The following NFATC1 variants were observed in gnomAD, a reference collection of about 807,000 sequenced individuals.
NFATC1 encodes the protein nuclear factor of activated T-cells, cytoplasmic 1.
In NFATC1, 22 loss-of-function variants were observed where a neutral mutation model predicts 76.0. That is an observed-to-expected ratio of 0.29 (90% CI 0.21 to 0.41). The LOEUF (loss-of-function observed/expected upper bound fraction) is 0.41, where lower values mean the gene tolerates loss of function less well. NFATC1 is among the 10% of genes least tolerant of loss of function. The pLI, the probability that NFATC1 is intolerant of heterozygous loss-of-function variation, is 1.00. For synonymous variants in NFATC1, 704 were observed against 613.1 expected, an observed-to-expected ratio of 1.15 and a Z score of -2.19; for missense variants, 1,357 against 1,337.7, an observed-to-expected ratio of 1.01 and a Z score of -0.23.
chr18:79,467,365 G>GCGGGGTTGCCGTGTGGCCGCCGTGGAAA, intron 7 of NFATC1, 85 bp from the exon 8 acceptor site: 1 of 1,338,558 alleles, frequency 7.5e-7, no homozygotes, highest in African/African-American at 2.0e-5. Context: ...CCGTGGAAAC[G>GCGGGGTTGCCGTGTGGCCGCCGTGGAAA]CGGGGTTGCC....
intron 2 of NFATC1, among the ~76,000 whole-genome samples, chr18:79,424,613 G>GTCTCTCTGTCTCTCCGTCTT (rs2086220899): frequency 7.0e-6 from 1 of 142,276 alleles, no homozygotes; most frequent in African/African-American, 2.6e-5. Context: ...CTCTCCGTCT[G>GTCTCTCTGTCTCTCCGTCTT]TCTCTCTGTC....
intron 9 of NFATC1, among the ~76,000 whole-genome samples, chr18:79,501,949 A>T (rs930471603): frequency 2.0e-5 from 3 of 152,212 alleles, no homozygotes; most frequent in African/African-American, 7.2e-5. Context: ...TGATCTGGAG[A>T]ATCAGTGCAA....
chr18:79,408,456 T>TA (rs1428276035), intron 1 of NFATC1, among the ~76,000 whole-genome samples: 1 of 152,210 alleles, frequency 6.6e-6, no homozygotes, highest in Non-Finnish European at 1.5e-5. Context: ...ATAATGATTT[T>TA]AAAAAATATT....
At chr18:79,485,344 C>T (rs1262825898) in intron 8 of NFATC1, among the ~76,000 whole-genome samples, 3 of 152,354 alleles carry the variant, frequency 2.0e-5, no homozygotes, top group South Asian at 2.1e-4. Context: ...GCCACTGAGC[C>T]GTCTGATGTC....
rs1250552405 is a variant in NFATC1 at position 79,397,812 on chromosome 18, C to A, written c.127+1461C>A. Among the ~76,000 whole-genome samples the A allele has an allele frequency of 2.0e-5, 3 of 152,140 alleles. No individual in the cohort carries two copies. The East Asian group carries it at 5.8e-4, about 29-fold the overall frequency. The stretch of plus-strand genomic sequence containing the variant: ...CTTTCTTTTACGCAAGGAAAAAACA[C>A]GACGGGGCAGTGGCTAGTTTTCGTG... On this transcript the variant is annotated intron_variant, in intron 1 of 9. Transcript: ENST00000427363.
chr18:79,449,022 G>T (rs374936059), intron 4 of NFATC1, 38 bp downstream of exon 4: 14 of 1,599,350 alleles, frequency 8.8e-6, no homozygotes, highest in Non-Finnish European at 1.2e-5. Flanking sequence ...GGCAGGGGGC[G>T]GTAGGAGGGG....
chr18:79,513,024 C>T (rs1000121598), intron 9 of NFATC1, among the ~76,000 whole-genome samples: 30 of 152,240 alleles, frequency 2.0e-4, no homozygotes, highest in African/African-American at 7.0e-4. Flanking sequence ...TCGCTAGAGA[C>T]GCAGGGAGTT....
chr18:79,451,746 G>C lies in NFATC1; in HGVS notation c.1833G>C (p.Gly611=). ...QSTDSYPVVG[G]KKMVLSGHNF... ...CGGACAGCTATCCGGTCGTGGGCGG[G>C]AAGAAGATGGTCCTGTCTGGCCACA... Residue 611 remains glycine, a synonymous_variant, in exon 6 of 10, where the codon GGG becomes GGC. Coordinates refer to ENST00000427363, the MANE Select transcript of NFATC1 (RefSeq NM_001278669.2). The C allele has an allele frequency of 6.2e-7, 1 of 1,613,234 alleles. No homozygotes were observed. The highest frequency in any genetic ancestry group is 8.5e-7 in the Non-Finnish European group (1 of 1,179,704).
chr18:79,463,519 A>T (rs1274905112), intron 7 of NFATC1, among the ~76,000 whole-genome samples: 1 of 77,390 alleles, frequency 1.3e-5, no homozygotes, highest in Non-Finnish European at 2.8e-5. Context: ...CCCCACGGCC[A>T]TTTCCTGTGC....
intron 8 of NFATC1, chr18:79,469,662 A>T: frequency 2.0e-6 from 2 of 985,862 alleles, no homozygotes; most frequent in Non-Finnish European, 2.4e-6. Flanking sequence ...CTGCTCCAGC[A>T]TGGCTCAACG....
In NFATC1 at chr18:79,513,669, CAGCT is replaced by C. The variant is rs544156310; in HGVS notation, c.2783-13854_2783-13851del. ...TGGGGCATGGGGGCGGTTTCCCTTG[CAGCT>C]AGCTCCCGGTCTCCTCCCTCTGACC... On this transcript the variant is annotated intron_variant, in intron 9 of 9. Coordinates refer to ENST00000427363, the MANE Select transcript of NFATC1 (RefSeq NM_001278669.2). 2.8e-3 allele frequency among the ~76,000 whole-genome samples: 420 copies of C among 152,358 alleles called. 3 individuals are homozygous for C. The highest frequency in any genetic ancestry group is 9.6e-3 in the African/African-American group (398 of 41,590).
chr18:79,435,094 T>C (rs1406379105), intron 3 of NFATC1, among the ~76,000 whole-genome samples: 1 of 152,108 alleles, frequency 6.6e-6, no homozygotes, highest in Non-Finnish European at 1.5e-5. Flanking sequence ...TTGTTATTGC[T>C]CAGTGGGAAG....
At chr18:79,436,162 G>A (rs1046685562) in intron 3 of NFATC1, among the ~76,000 whole-genome samples, 4 of 152,222 alleles carry the variant, frequency 2.6e-5, no homozygotes, top group East Asian at 3.8e-4. Flanking sequence ...CCTCGGTGCC[G>A]TCGGGTTATT....
chr18:79,477,834 A>G (rs891823745), intron 8 of NFATC1, among the ~76,000 whole-genome samples: 2 of 152,154 alleles, frequency 1.3e-5, no homozygotes, highest in Admixed American at 6.5e-5. Flanking sequence ...AAATCCTGCC[A>G]TATCCTCACA....
At chr18:79,406,949 C>T (rs59922507) in intron 1 of NFATC1, among the ~76,000 whole-genome samples, 12,698 of 152,174 alleles carry the variant, frequency 0.083, 589 homozygotes, top group East Asian at 0.16. Flanking sequence ...GGGCACAGGG[C>T]GACCTGCCTG....
chr18:79,400,477 C>T, intron 1 of NFATC1: 1 of 1,482,362 alleles, frequency 6.7e-7, no homozygotes, highest in African/African-American at 1.5e-5. Context: ...GCGGCCGCCC[C>T]AGGTGGGTCA....
intron 8 of NFATC1, among the ~76,000 whole-genome samples, chr18:79,485,751 A>G (rs1247894855): frequency 2.6e-5 from 4 of 152,236 alleles, no homozygotes; most frequent in African/African-American, 9.6e-5. Context: ...CCTCCATGAC[A>G]GTGTTTTTCT....
At chr18:79,427,471 GCTGTACCACTGGCCTCTGTGCGGT>G (rs2086399795) in intron 2 of NFATC1, among the ~76,000 whole-genome samples, 2 of 84,522 alleles carry the variant, frequency 2.4e-5, no homozygotes, top group Non-Finnish European at 5.0e-5. Flanking sequence ...GTGGGTGGGG[GCTGTACCACTGGCCTCTGTGCGGT>G]GGGTCGGGGG....
intron 2 of NFATC1, among the ~76,000 whole-genome samples, chr18:79,414,043 A>T (rs962974843): frequency 7.9e-5 from 12 of 152,156 alleles, no homozygotes; most frequent in African/African-American, 2.7e-4. Flanking sequence ...TTCTGGTTCC[A>T]CATCAAAATA....
Sources: allele counts gnomAD v4.1 joint callset (sites outside exome capture counted in the v4.1 genomes callset), GRCh38; gene constraint gnomAD v4.1.1; transcripts MANE v1.5; gene names NCBI Gene and HGNC (gene_info 2026-07-23, HGNC 2026-07-21).